SLC7A8: variants seen among roughly 807,000 people sequenced by gnomAD.
The protein encoded by SLC7A8 is solute carrier family 7 member 8, also known as large neutral amino acids transporter small subunit 2.
Under a neutral mutation model 51.2 loss-of-function variants are expected in SLC7A8, and 30 were observed. The ratio of observed to expected loss-of-function variants is 0.59; its 90% CI spans 0.44 to 0.80. The LOEUF is 0.80. Ranked by LOEUF, SLC7A8 falls within the 30% of genes least tolerant of loss-of-function variation. The pLI is 0.00. For missense variants in SLC7A8, 612 were observed against 674.4 expected, an observed-to-expected ratio of 0.91 and a Z score of 1.03; for synonymous variants, 257 against 275.8, an observed-to-expected ratio of 0.93 and a Z score of 0.67.
At chr14:23,181,765 C>T (rs1877194252) in intron 1 of SLC7A8, among the ~76,000 whole-genome samples, 1 of 152,182 alleles carries the variant, frequency 6.6e-6, no homozygotes, top group African/African-American at 2.4e-5. Flanking sequence ...AAGTAAAGCC[C>T]CCTACCAAAG....
intron 7 of SLC7A8, among the ~76,000 whole-genome samples, chr14:23,137,392 A>C (rs2048700440): frequency 6.6e-6 from 1 of 152,136 alleles, no homozygotes; most frequent in Non-Finnish European, 1.5e-5. Context: ...CTCTCTGTTG[A>C]GCAGGGAGGA....
chr14:23,168,686 A>G (rs2048961970), intron 1 of SLC7A8, among the ~76,000 whole-genome samples: 1 of 152,190 alleles, frequency 6.6e-6, no homozygotes, highest in South Asian at 2.1e-4. Flanking sequence ...TGCAAGAGGG[A>G]AAATGAGGAT....
intron 3 of SLC7A8, among the ~76,000 whole-genome samples, chr14:23,154,966 A>G (rs2048879461): frequency 6.7e-6 from 1 of 150,160 alleles, no homozygotes; most frequent in Non-Finnish European, 1.5e-5. Flanking sequence ...AAACGTTAAA[A>G]AAAAAAAACC....
At chr14:23,161,711 T>G (rs961303481) in intron 3 of SLC7A8, among the ~76,000 whole-genome samples, 5 of 152,088 alleles carry the variant, frequency 3.3e-5, no homozygotes, top group African/African-American at 1.2e-4. Flanking sequence ...GTGGATCACT[T>G]GAGGTCAGGA....
chr14:23,170,019 C>G (rs2140337504), intron 1 of SLC7A8, among the ~76,000 whole-genome samples: 1 of 152,288 alleles, frequency 6.6e-6, no homozygotes, highest in East Asian at 1.9e-4. Flanking sequence ...GAACACAGAT[C>G]TGATTCCTTC....
intron 9 of SLC7A8, 181 bp downstream of exon 9, chr14:23,129,469 C>A (rs987956441): frequency 1.1e-5 from 7 of 634,306 alleles, no homozygotes; most frequent in Non-Finnish European, 1.9e-5. Flanking sequence ...CCGATCTCAT[C>A]CCCAGTGGAG....
chr14:23,132,555 A>C (rs1036009266), intron 7 of SLC7A8, among the ~76,000 whole-genome samples: 2 of 152,160 alleles, frequency 1.3e-5, no homozygotes, highest in Non-Finnish European at 2.9e-5. Flanking sequence ...TGCCTCTAAA[A>C]AACAACAATA....
rs188385088 is a variant in SLC7A8, at chr14:23,181,648, T to C, written c.151+1116A>G. Among the ~76,000 whole-genome samples, 16 of 152,358 alleles carry C rather than the reference T, an allele frequency of 1.1e-4. No homozygotes were observed. In the East Asian group the frequency reaches 3.1e-3, roughly 29 times the overall value. The stretch of plus-strand genomic sequence containing the variant: ...AGAACATGGCGTCAGCCAGAGAAAC[T>C]GGTTCAGGGGCACCAGGACACAACG... On this transcript the variant is annotated intron_variant, in intron 1 of 10. Coordinates refer to ENST00000316902, the MANE Select transcript of SLC7A8 (RefSeq NM_012244.4).
rs150388441 is a variant in SLC7A8 at position 23,137,830 on chromosome 14, C to A, written c.1016+91G>T. On this transcript the variant is annotated intron_variant, in intron 7 of 10. Transcript: ENST00000316902. ...CCAACATCCAGATGCCCACACAGAC[C>A]CCTGCTGACAGAGACAAGCCCACCA... 2.8e-4 allele frequency: 425 copies of A among 1,509,220 alleles called. 2 individuals are homozygous for A. The African/African-American group carries it at 5.1e-3, about 18-fold the overall frequency. The allele number at this position is 1,509,220 out of a possible 1,614,324, so 93.5% of individuals were successfully genotyped here. A position where few individuals can be genotyped will look rare whatever the true frequency, so the allele number is the denominator to read the frequency against.
chr14:23,163,531 C>T (rs1436267659), intron 3 of SLC7A8, among the ~76,000 whole-genome samples: 1 of 152,202 alleles, frequency 6.6e-6, no homozygotes, highest in African/African-American at 2.4e-5. Context: ...GGCTCACTTG[C>T]CAAGGAGACC....
In SLC7A8 at chr14:23,165,263, C is replaced by T. The variant is rs745749743; in HGVS notation, c.508+22G>A. ...TATAATAAAAGAGGCTGTCTTGCTA[C>T]CAAGACCCAGATGACACTTACATAA... On this transcript the variant is annotated intron_variant, in intron 3 of 10. Transcript: ENST00000316902. The surrounding 1 kb of genome is among the most constrained non-coding windows in gnomAD (Gnocchi z 4.2). 5.0e-5 allele frequency: 80 copies of T among 1,598,732 alleles called. No homozygotes were observed. The highest frequency in any genetic ancestry group is 6.7e-5 in the Non-Finnish European group (79 of 1,173,990).
chr14:23,136,974 C>T (rs1432924903), intron 7 of SLC7A8, among the ~76,000 whole-genome samples: 2 of 152,218 alleles, frequency 1.3e-5, no homozygotes, highest in Non-Finnish European at 2.9e-5. Flanking sequence ...ATTGCACTCC[C>T]TTGTTATTTC....
In SLC7A8 at chr14:23,182,852, C is replaced by A. The variant is rs1376523331; in HGVS notation, c.63G>T (p.Ser21=). The stretch of plus-strand genomic sequence containing the variant: ...CGGAACCAGCCTCGGGGCTGGCGTC[C>A]GACTCGCCCCCACCTGGGTGTTTCT... ...TEKKHPGGGE[S]DASPEAGSGG... is the part of the protein sequence containing the mutation. Residue 21 remains serine (S), a synonymous_variant, in exon 1 of 11, where the codon TCG becomes TCT. Transcript: ENST00000316902. The A allele has an allele frequency of 1.9e-6, 3 of 1,614,010 alleles. No homozygotes were observed. The highest frequency in any genetic ancestry group is 2.5e-6 in the Non-Finnish European group (3 of 1,179,982).
At chr14:23,177,661 ACGG>A (rs1369893841) in intron 1 of SLC7A8, among the ~76,000 whole-genome samples, 1 of 152,172 alleles carries the variant, frequency 6.6e-6, no homozygotes, top group African/African-American at 2.4e-5. Context: ...TACCTCTAAC[ACGG>A]CTGGGAAGAA....
chr14:23,176,354 G>A (rs776094267), intron 1 of SLC7A8, among the ~76,000 whole-genome samples: 16 of 152,062 alleles, frequency 1.1e-4, no homozygotes, highest in Non-Finnish European at 1.6e-4. Flanking sequence ...TCAGACATCC[G>A]TGGTCTTTCT....
chr14:23,149,700 C>T (rs761838423), intron 3 of SLC7A8, among the ~76,000 whole-genome samples: 66 of 152,212 alleles, frequency 4.3e-4, no homozygotes, highest in Non-Finnish European at 8.1e-4. Context: ...TGTATCCTTC[C>T]GGGCTCAGTC....
At chr14:23,136,384 G>A (rs1346487795) in intron 7 of SLC7A8, among the ~76,000 whole-genome samples, 3 of 152,208 alleles carry the variant, frequency 2.0e-5, no homozygotes, top group Non-Finnish European at 4.4e-5. Flanking sequence ...ACAAGACCAA[G>A]TGTAATTGTC....
chr14:23,142,297 A>C (rs1305134915), intron 4 of SLC7A8, among the ~76,000 whole-genome samples: 2 of 152,160 alleles, frequency 1.3e-5, no homozygotes, highest in Non-Finnish European at 2.9e-5. Context: ...CAGGCTTGGA[A>C]AGGGCCAAAT....
rs375300654 is a variant in SLC7A8, at chr14:23,143,127, G to T, written c.586C>A (p.Leu196Met). Reference protein sequence around the residue: ...VQDIFTAGKLLALALIIIMGI... With the variant: ...VQDIFTAGKLMALALIIIMGI... ...ATGATGATAATCAGGGCCAAGGCCAGGAGCTTCCCAGCTGTGAAGATGTCT... is the reference window on the plus strand; with the variant it reads ...ATGATGATAATCAGGGCCAAGGCCATGAGCTTCCCAGCTGTGAAGATGTCT... Residue 196 changes from leucine to methionine, a missense_variant, in exon 4 of 11, where the codon CTG (leucine) becomes ATG (methionine). By Grantham distance (15) the Leu-to-Met change is conservative (BLOSUM62 2). Transcript: ENST00000316902. 6.2e-7 allele frequency: 1 copy of T among 1,614,226 alleles called. No individual in the cohort carries two copies. Among genetic ancestry groups the T allele is most frequent in the Admixed American group, 1.7e-5 (1 of 60,026 alleles).
Sources: allele counts gnomAD v4.1 joint callset (sites outside exome capture counted in the v4.1 genomes callset), GRCh38; gene constraint gnomAD v4.1.1; non-coding constraint Gnocchi (gnomAD v3.1); transcripts MANE v1.5; gene names NCBI Gene and HGNC (gene_info 2026-07-23, HGNC 2026-07-21).